Variants in NAV2 observed in about 807,000 individuals in gnomAD.
NAV2 encodes neuron navigator 2.
Under a neutral mutation model 223.2 loss-of-function variants are expected in NAV2, and 54 were observed. The ratio of observed to expected loss-of-function variants is 0.24; its 90% confidence interval spans 0.19 to 0.30. NAV2 has a LOEUF of 0.30. Among genes scored for constraint, NAV2 ranks in the 10% least tolerant of loss-of-function variants. NAV2 has a pLI of 1.00. For missense variants in NAV2, 2,806 were observed against 3,147.5 expected, an observed-to-expected ratio of 0.89 and a Z score of 2.60; for synonymous variants, 1,279 against 1,239.3, an observed-to-expected ratio of 1.03 and a Z score of -0.67.
intron 1 of NAV2, among the ~76,000 whole-genome samples, chr11:19,769,119 G>C (rs1224762799): frequency 6.6e-6 from 1 of 152,192 alleles, no homozygotes; most frequent in Admixed American, 6.5e-5. Flanking sequence ...TAACTGCCAG[G>C]ATAACTGATG....
At chr11:19,401,987 T>C (rs764095840) in intron 1 of NAV2, 2 of 152,202 alleles carry the variant, frequency 1.3e-5, no homozygotes, top group South Asian at 2.1e-4. Flanking sequence ...TAGACATGCA[T>C]GCACACAAAT....
intron 1 of NAV2, among the ~76,000 whole-genome samples, chr11:19,427,986 T>A (rs1469542091): frequency 1.3e-5 from 2 of 151,972 alleles, no homozygotes; most frequent in South Asian, 4.1e-4. Flanking sequence ...TTTGGGGTAT[T>A]TTTTTTAATG....
rs143349335 is a variant in NAV2 at position 19,630,215 on chromosome 11, C to A, written c.76-202269C>A. On this transcript the variant is annotated intron_variant, in intron 1 of 37. Transcript: ENST00000360655. ...CTCTGTATCTAGAACTCATTAAAAT[C>A]TGTGTCATCAATATCTCCATCATCA... is the stretch of plus-strand genomic sequence containing the variant. Among the ~76,000 whole-genome samples, 212 of 152,306 alleles carry A rather than the reference C, an allele frequency of 1.4e-3. 1 individual carries two copies. The highest frequency in any genetic ancestry group is 5.0e-3 in the African/African-American group (207 of 41,570).
intron 1 of NAV2, among the ~76,000 whole-genome samples, chr11:19,525,786 C>G (rs977381865): frequency 6.6e-6 from 1 of 152,216 alleles, no homozygotes; most frequent in East Asian, 1.9e-4. Flanking sequence ...CTGGAGATAA[C>G]CTACCTGCCC....
intron 19 of NAV2, among the ~76,000 whole-genome samples, chr11:20,061,357 A>G (rs112189734): frequency 1.6e-4 from 13 of 78,852 alleles, no homozygotes; most frequent in Admixed American, 7.9e-4. Context: ...ATCACCTGAG[A>G]CTGGGAGTTC....
intron 8 of NAV2, among the ~76,000 whole-genome samples, chr11:19,940,706 G>A (rs943803928): frequency 6.6e-6 from 1 of 152,222 alleles, no homozygotes; most frequent in Non-Finnish European, 1.5e-5. Context: ...GCAGCCCAGT[G>A]ATTGAACCTT....
At chr11:20,104,044 G>A (rs529430347) in intron 34 of NAV2, among the ~76,000 whole-genome samples, 2 of 152,306 alleles carry the variant, frequency 1.3e-5, no homozygotes, top group South Asian at 4.1e-4. Context: ...GGCAGCTCTG[G>A]AAGGGACTGC....
At chr11:19,453,251 G>A (rs1382713133) in intron 1 of NAV2, among the ~76,000 whole-genome samples, 1 of 152,258 alleles carries the variant, frequency 6.6e-6, no homozygotes, top group Admixed American at 6.5e-5. Context: ...CATCATAGGT[G>A]TTCAAAATAA....
intron 1 of NAV2, among the ~76,000 whole-genome samples, chr11:19,719,508 T>G (rs1385528298): frequency 6.6e-6 from 1 of 152,130 alleles, no homozygotes; most frequent in Non-Finnish European, 1.5e-5. Context: ...GGGGTGAGGG[T>G]TCAGTGAGAT....
chr11:19,821,424 A>G (rs532249871), intron 1 of NAV2, among the ~76,000 whole-genome samples: 2 of 152,178 alleles, frequency 1.3e-5, no homozygotes, highest in Admixed American at 6.5e-5. Context: ...ATAGTTTCAA[A>G]ACCTCTGGAG....
intron 3 of NAV2, among the ~76,000 whole-genome samples, chr11:19,852,249 C>T (rs897126643): frequency 6.6e-6 from 1 of 152,232 alleles, no homozygotes; most frequent in African/African-American, 2.4e-5. Context: ...TGCAAAATAA[C>T]TCTTGCTGTA....
At chr11:19,616,658 C>A (rs1286104237) in intron 1 of NAV2, among the ~76,000 whole-genome samples, 1 of 151,848 alleles carries the variant, frequency 6.6e-6, no homozygotes, top group Non-Finnish European at 1.5e-5. Flanking sequence ...GTCCTGCATG[C>A]CCTGAGACCA....
chr11:19,977,791 C>CTTTTTTCT, intron 10 of NAV2, among the ~76,000 whole-genome samples: 11 of 130,584 alleles, frequency 8.4e-5, no homozygotes, highest in African/African-American at 3.3e-4. Flanking sequence ...GAGAGGTCAA[C>CTTTTTTCT]TTTTTTCTTT....
chr11:19,671,441 T>C (rs2048568357), intron 1 of NAV2, among the ~76,000 whole-genome samples: 1 of 152,192 alleles, frequency 6.6e-6, no homozygotes, highest in South Asian at 2.1e-4. Context: ...CTCAGCTTGC[T>C]CTGTGGAGTC....
intron 1 of NAV2, among the ~76,000 whole-genome samples, chr11:19,675,905 A>G (rs1003035267): frequency 2.0e-5 from 3 of 152,202 alleles, no homozygotes; most frequent in African/African-American, 4.8e-5. Context: ...ACTCTGTACC[A>G]TGCATTTGAT....
chr11:19,776,614 A>G (rs1448719604), intron 1 of NAV2, among the ~76,000 whole-genome samples: 2 of 76,938 alleles, frequency 2.6e-5, no homozygotes, highest in African/African-American at 1.3e-4. Context: ...GTGTGGTTAG[A>G]GTTGTGGGGG....
At chr11:19,445,017 C>T (rs1851533231) in intron 1 of NAV2, among the ~76,000 whole-genome samples, 1 of 152,204 alleles carries the variant, frequency 6.6e-6, no homozygotes, top group African/African-American at 2.4e-5. Context: ...TCTCTGCTAT[C>T]ACTGCCATCA....
chr11:20,074,427 G>A (rs2059593926), intron 22 of NAV2, among the ~76,000 whole-genome samples: 1 of 152,202 alleles, frequency 6.6e-6, no homozygotes, highest in South Asian at 2.1e-4. Context: ...GGGGTTGAGA[G>A]TTCTGTAGAT....
chr11:19,513,911 A>C (rs1018161230), intron 1 of NAV2, among the ~76,000 whole-genome samples: 4 of 152,186 alleles, frequency 2.6e-5, no homozygotes, highest in African/African-American at 4.8e-5. Flanking sequence ...ACCAGAAGCT[A>C]GGAAGATGCA....
Sources: allele counts gnomAD v4.1 joint callset (sites outside exome capture counted in the v4.1 genomes callset), GRCh38; gene constraint gnomAD v4.1.1; transcripts MANE v1.5; gene names NCBI Gene and HGNC (gene_info 2026-07-23, HGNC 2026-07-21).